Variants in NTN4 observed in about 807,000 individuals in gnomAD.
NTN4 encodes the protein netrin-4.
NTN4 carries 32 observed loss-of-function variants against 73.6 expected under a neutral mutation model. The ratio of observed to expected loss-of-function variants is 0.44; its 90% confidence interval spans 0.33 to 0.58. NTN4 has a LOEUF of 0.58. Ranked by LOEUF, NTN4 falls within the 20% of genes least tolerant of loss-of-function variation. NTN4 has a pLI of 0.04. For missense variants in NTN4, 654 were observed against 798.3 expected, an observed-to-expected ratio of 0.82 and a Z score of 2.18; for synonymous variants, 258 against 287.5, an observed-to-expected ratio of 0.90 and a Z score of 1.04.
chr12:95,771,174 AG>A (rs1424370329), intron 2 of NTN4, among the ~76,000 whole-genome samples: 3 of 151,974 alleles, frequency 2.0e-5, no homozygotes, highest in Non-Finnish European at 4.4e-5. Context: ...TATTTTTAGT[AG>A]AGACGGGGTT....
At chr12:95,681,207 AAAG>A (rs1194975406) in intron 7 of NTN4, among the ~76,000 whole-genome samples, 2 of 150,932 alleles carry the variant, frequency 1.3e-5, no homozygotes, top group Non-Finnish European at 3.0e-5. Flanking sequence ...AAAAAAAAAA[AAAG>A]AGTAGATATC....
chr12:95,736,862 T>G (rs931595939), intron 3 of NTN4, among the ~76,000 whole-genome samples: 3 of 152,232 alleles, frequency 2.0e-5, no homozygotes, highest in African/African-American at 4.8e-5. Context: ...TCCTGCTGGC[T>G]AACTGGATCA....
intron 2 of NTN4, among the ~76,000 whole-genome samples, chr12:95,758,498 A>G (rs779292507): frequency 2.0e-5 from 3 of 152,158 alleles, no homozygotes; most frequent in Non-Finnish European, 4.4e-5. Flanking sequence ...ATTTGCAAAT[A>G]TTTTCTATCT....
At chr12:95,756,545 T>C (rs1347181639) in intron 2 of NTN4, among the ~76,000 whole-genome samples, 4 of 152,180 alleles carry the variant, frequency 2.6e-5, no homozygotes, top group Non-Finnish European at 5.9e-5. Context: ...ACAGGCCTCT[T>C]GGATGCTGTG....
intron 2 of NTN4, among the ~76,000 whole-genome samples, chr12:95,777,181 CA>C (rs1216130681): frequency 6.6e-6 from 1 of 152,194 alleles, no homozygotes; most frequent in African/African-American, 2.4e-5. Flanking sequence ...TGGAAAGGAA[CA>C]ACCAGTACCA....
chr12:95,738,012 C>A lies in NTN4; in HGVS notation c.718G>T (p.Asp240Tyr). 1.2e-6 allele frequency: 2 copies of A among 1,614,094 alleles called. No individual in the cohort carries two copies. Among genetic ancestry groups the A allele is most frequent in the Non-Finnish European group, 8.5e-7 (1 of 1,180,006 alleles). The change falls in exon 3 of 10, where the codon GAC becomes TAC. Residue 240 changes from aspartate (D) to tyrosine (Y), a missense_variant. Asp to Tyr is a radical substitution (Grantham distance 160). Coordinates refer to ENST00000343702, the MANE Select transcript of NTN4 (RefSeq NM_021229.4). ...KRQSCPCQRNDLNEEPQHFTH... is the reference protein window; with the variant it reads ...KRQSCPCQRNYLNEEPQHFTH... ...AAATGTTGAGGCTCTTCGTTCAGGTCATTTCTCTGACAGGGACAAGACTGT... is the reference window on the plus strand; with the variant it reads ...AAATGTTGAGGCTCTTCGTTCAGGTAATTTCTCTGACAGGGACAAGACTGT...
At chr12:95,775,336 A>G (rs2079083779) in intron 2 of NTN4, among the ~76,000 whole-genome samples, 1 of 152,172 alleles carries the variant, frequency 6.6e-6, no homozygotes, top group Non-Finnish European at 1.5e-5. Flanking sequence ...CAGTGGGTGC[A>G]GGACAGTGGG....
chr12:95,754,100 C>T (rs1263463459), intron 2 of NTN4, among the ~76,000 whole-genome samples: 1 of 152,172 alleles, frequency 6.6e-6, no homozygotes, highest in Non-Finnish European at 1.5e-5. Context: ...TCTCCTTAGG[C>T]ACTCTCTAAT....
At chr12:95,772,716 G>C (rs10777736) in intron 2 of NTN4, among the ~76,000 whole-genome samples, 129,357 of 152,214 alleles carry the variant, frequency 0.85, 55,343 homozygotes, top group African/African-American at 0.9. Context: ...TTCTCTTACA[G>C]TCTACATCCA....
intron 2 of NTN4, among the ~76,000 whole-genome samples, chr12:95,764,463 G>C (rs1024091882): frequency 2.0e-5 from 3 of 152,140 alleles, no homozygotes; most frequent in African/African-American, 7.2e-5. Context: ...TCAGGAGTTT[G>C]AGACCAGCCT....
intron 5 of NTN4, among the ~76,000 whole-genome samples, chr12:95,705,602 CT>C (rs2078516770): frequency 6.6e-6 from 1 of 152,280 alleles, no homozygotes; most frequent in Admixed American, 6.5e-5. Flanking sequence ...TCTACTCATG[CT>C]TTGTTAATTT....
intron 2 of NTN4, among the ~76,000 whole-genome samples, chr12:95,784,377 A>G (rs1356503228): frequency 6.6e-6 from 1 of 152,218 alleles, no homozygotes; most frequent in African/African-American, 2.4e-5. Context: ...TGTCCTCTGT[A>G]AAGAAGAAAT....
At chr12:95,676,011 C>T (rs553016670) in intron 7 of NTN4, among the ~76,000 whole-genome samples, 1 of 152,234 alleles carries the variant, frequency 6.6e-6, no homozygotes, top group Non-Finnish European at 1.5e-5. Context: ...CTTAAGTGAC[C>T]TAGAAATGAA....
intron 2 of NTN4, among the ~76,000 whole-genome samples, chr12:95,767,829 T>G (rs764431455): frequency 5.3e-5 from 8 of 152,160 alleles, no homozygotes; most frequent in Non-Finnish European, 1.2e-4. Flanking sequence ...GTGCTAGGCC[T>G]TTGCATACTG....
chr12:95,729,528 T>C (rs1280953713), intron 3 of NTN4, among the ~76,000 whole-genome samples: 2 of 152,102 alleles, frequency 1.3e-5, no homozygotes, highest in Non-Finnish European at 2.9e-5. Context: ...ATTATTAAGG[T>C]TTTGAATGTC....
chr12:95,765,988 C>T (rs1418803310), intron 2 of NTN4, among the ~76,000 whole-genome samples: 1 of 152,108 alleles, frequency 6.6e-6, no homozygotes, highest in Non-Finnish European at 1.5e-5. Context: ...GACTAGAGCC[C>T]AACTCACACA....
chr12:95,678,805 A>C, intron 7 of NTN4, among the ~76,000 whole-genome samples: 1 of 152,190 alleles, frequency 6.6e-6, no homozygotes, highest in Non-Finnish European at 1.5e-5. Context: ...ATATACATTT[A>C]TATCCTTTAT....
chr12:95,774,189 A>ATTTT (rs2079076458), intron 2 of NTN4, among the ~76,000 whole-genome samples: 1 of 150,942 alleles, frequency 6.6e-6, no homozygotes, highest in Non-Finnish European at 1.5e-5. Context: ...TTTTTTTTAA[A>ATTTT]AAAAAAAGAT....
At chr12:95,763,931 A>G (rs2079004627) in intron 2 of NTN4, among the ~76,000 whole-genome samples, 1 of 152,214 alleles carries the variant, frequency 6.6e-6, no homozygotes, top group Admixed American at 6.5e-5. Flanking sequence ...TCATGGTAAA[A>G]CTGGAATGCA....
Sources: gnomAD v4.1 joint callset for allele counts (sites outside exome capture counted in the v4.1 genomes callset) on GRCh38, gnomAD v4.1.1 for gene constraint, MANE v1.5 for transcripts, NCBI Gene and HGNC (gene_info 2026-07-23, HGNC 2026-07-21) for gene names.